IQCM: variants seen among roughly 807,000 people sequenced by gnomAD.
IQCM encodes IQ domain-containing protein M.
Under a neutral mutation model 57.6 loss-of-function variants are expected in IQCM, and 45 were observed. That is an observed-to-expected ratio of 0.78 (90% CI 0.62 to 1.00). The LOEUF is 1.00. Ranked by LOEUF, IQCM falls within the 50% of genes least tolerant of loss-of-function variation. IQCM has a pLI of 0.00. For missense variants in IQCM, 468 were observed against 511.6 expected, an observed-to-expected ratio of 0.91 and a Z score of 0.82; for synonymous variants, 148 against 158.9, an observed-to-expected ratio of 0.93 and a Z score of 0.51.
At position 149,625,375 on chromosome 4, in the gene IQCM, C is replaced by T. The variant is rs572065586; in HGVS notation, c.566-4131G>A. ...GTAGAGGAGAAAAAGTAATATATTT[C>T]CCTCACCCATTGGAAGTGTTCATGG... On this transcript the variant is annotated intron_variant, in intron 7 of 13. Transcript: ENST00000636793. 5.3e-4 allele frequency among the ~76,000 whole-genome samples: 81 copies of T among 152,258 alleles called. 1 individual carries two copies. The South Asian group carries it at 0.015, about 28-fold the overall frequency.
At chr4:149,809,565 A>T (rs2150064866) in intron 2 of IQCM, among the ~76,000 whole-genome samples, 1 of 152,330 alleles carries the variant, frequency 6.6e-6, no homozygotes, top group South Asian at 2.1e-4. Context: ...TAAAATAAGA[A>T]ATCTTACCCA....
chr4:149,576,012 C>T (rs1751612990), intron 9 of IQCM, among the ~76,000 whole-genome samples: 1 of 151,796 alleles, frequency 6.6e-6, no homozygotes, highest in Non-Finnish European at 1.5e-5. Context: ...TTATTTCTTT[C>T]CTTCTGGCAT....
intron 12 of IQCM, among the ~76,000 whole-genome samples, chr4:149,513,823 A>C (rs1412859660): frequency 1.3e-5 from 2 of 152,164 alleles, no homozygotes; most frequent in Non-Finnish European, 2.9e-5. Context: ...TCTCTGGAGA[A>C]TTGTTTGGTA....
chr4:149,812,841 C>T (rs1305421977), intron 2 of IQCM, among the ~76,000 whole-genome samples: 1 of 152,032 alleles, frequency 6.6e-6, no homozygotes, highest in Admixed American at 6.6e-5. Context: ...TTTGCCCTCC[C>T]CTACACCCAG....
At chr4:149,643,757 A>T (rs1038882221) in intron 7 of IQCM, among the ~76,000 whole-genome samples, 1 of 152,182 alleles carries the variant, frequency 6.6e-6, no homozygotes, top group African/African-American at 2.4e-5. Flanking sequence ...CTTGTAAAAA[A>T]CAAGTAATTG....
intron 8 of IQCM, among the ~76,000 whole-genome samples, chr4:149,610,075 T>C (rs934337037): frequency 6.6e-6 from 1 of 151,932 alleles, no homozygotes; most frequent in African/African-American, 2.4e-5. Context: ...GTAGCATGTT[T>C]ATATGCCAAC....
intron 2 of IQCM, among the ~76,000 whole-genome samples, chr4:149,754,061 C>T (rs1485854122): frequency 6.6e-6 from 1 of 152,142 alleles, no homozygotes. Context: ...TTTGCCCTTG[C>T]TACTTTAAAC....
intron 12 of IQCM, among the ~76,000 whole-genome samples, chr4:149,443,620 A>C (rs907464496): frequency 5.9e-5 from 9 of 151,348 alleles, no homozygotes; most frequent in African/African-American, 2.2e-4. Flanking sequence ...GAGCGCAATA[A>C]AATTGAATTA....
At chr4:149,678,194 A>G (rs1333390261) in intron 7 of IQCM, among the ~76,000 whole-genome samples, 2 of 151,906 alleles carry the variant, frequency 1.3e-5, no homozygotes, top group Non-Finnish European at 2.9e-5. Context: ...AACCCCAAAC[A>G]GATTTGACTC....
chr4:149,431,055 A>T (rs1734813570), intron 13 of IQCM, among the ~76,000 whole-genome samples: 1 of 151,786 alleles, frequency 6.6e-6, no homozygotes, highest in African/African-American at 2.4e-5. Flanking sequence ...AATTACAAAA[A>T]TTAGCTGGGT....
At chr4:149,707,673 GGGAAACTGACATGGAT>G (rs1764259124) in intron 5 of IQCM, among the ~76,000 whole-genome samples, 2 of 151,916 alleles carry the variant, frequency 1.3e-5, no homozygotes, top group South Asian at 4.2e-4. Flanking sequence ...GTGGACTTGG[GGGAAACTGACATGGAT>G]GGAAAGCTCA....
chr4:149,525,902 CAAAT>C (rs1379037919), intron 12 of IQCM, among the ~76,000 whole-genome samples: 1 of 151,220 alleles, frequency 6.6e-6, no homozygotes, highest in Non-Finnish European at 1.5e-5. Context: ...AAGAAAAAGA[CAAAT>C]AAAAAATTAA....
intron 12 of IQCM, among the ~76,000 whole-genome samples, chr4:149,482,818 T>A (rs568782896): frequency 6.6e-5 from 10 of 151,718 alleles, no homozygotes; most frequent in Non-Finnish European, 1.5e-4. Context: ...CATGTTCTTC[T>A]TATTTTTCAT....
At chr4:149,739,519 C>T (rs1314240792) in intron 3 of IQCM, among the ~76,000 whole-genome samples, 1 of 149,900 alleles carries the variant, frequency 6.7e-6, no homozygotes, top group Non-Finnish European at 1.5e-5. Context: ...ACAAAGATAA[C>T]TTCCTAATGC....
intron 7 of IQCM, among the ~76,000 whole-genome samples, chr4:149,658,456 C>T (rs989382754): frequency 2.6e-5 from 4 of 151,696 alleles, no homozygotes; most frequent in African/African-American, 9.7e-5. Flanking sequence ...AGCTTTGTAC[C>T]TTTTACTCAA....
intron 2 of IQCM, among the ~76,000 whole-genome samples, chr4:149,773,056 T>A (rs533005355): frequency 6.6e-6 from 1 of 152,208 alleles, no homozygotes; most frequent in South Asian, 2.1e-4. Context: ...GCTAACCACT[T>A]AAGAATTACT....
intron 3 of IQCM, among the ~76,000 whole-genome samples, chr4:149,738,650 C>T (rs1420873989): frequency 6.6e-6 from 1 of 152,126 alleles, no homozygotes; most frequent in African/African-American, 2.4e-5. Flanking sequence ...TGAGACTGTT[C>T]ATAAAGGAGC....
intron 7 of IQCM, among the ~76,000 whole-genome samples, chr4:149,647,463 C>T (rs191999761): frequency 2.7e-4 from 41 of 151,964 alleles, no homozygotes; most frequent in Non-Finnish European, 4.1e-4. Flanking sequence ...AAGATGCTTG[C>T]GGAATTTTAG....
intron 13 of IQCM, among the ~76,000 whole-genome samples, chr4:149,387,834 C>T (rs1027946160): frequency 1.3e-5 from 2 of 151,820 alleles, no homozygotes; most frequent in African/African-American, 4.8e-5. Context: ...CATTAACAGT[C>T]ACCCCCTACT....
Sources: allele counts gnomAD v4.1 joint callset (sites outside exome capture counted in the v4.1 genomes callset), GRCh38; gene constraint gnomAD v4.1.1; transcripts MANE v1.5; gene names NCBI Gene and HGNC (gene_info 2026-07-23, HGNC 2026-07-21).